ETAA1: variants seen among roughly 807,000 people sequenced by gnomAD.
ETAA1 encodes the protein ewing's tumor-associated antigen 1.
A neutral mutation model predicts 76.8 loss-of-function variants in ETAA1; 49 were observed. That is an observed-to-expected ratio of 0.64 (90% CI 0.51 to 0.81). The LOEUF (loss-of-function observed/expected upper bound fraction) is 0.81, where lower values mean the gene tolerates loss of function less well. Ranked by LOEUF, ETAA1 falls within the 30% of genes least tolerant of loss-of-function variation. The pLI is 0.00. For missense variants in ETAA1, 1,099 were observed against 1,074.0 expected (o/e 1.02, Z -0.32); for synonymous variants, 373 against 372.2 (o/e 1.00, Z -0.03).
rs1380195336 is a variant in ETAA1 at position 67,411,533 on chromosome 2, A to T, written c.*1495A>T. The T allele has an allele frequency of 6.6e-6, 1 of 152,124 alleles. No individual in the cohort carries two copies. Among genetic ancestry groups the T allele is most frequent in the African/African-American group, 2.4e-5 (1 of 41,448 alleles). The allele number at this position is 152,124 out of a possible 1,614,324, so 9.4% of individuals were successfully genotyped here. A position where few individuals can be genotyped will look rare whatever the true frequency, so the allele number is the denominator to read the frequency against. The stretch of plus-strand genomic sequence containing the variant: ...CTGGCAATACGGCACACTGTAGAGT[A>T]TCAGTTGAGCTGATGCCCAGCATCG... On this transcript the variant is annotated 3_prime_UTR_variant, in exon 6 of 6. Transcript: ENST00000272342.
chr2:67,399,042 T>C (rs1323613040), intron 1 of ETAA1, 127 bp from the exon 2 acceptor site: 1 of 829,172 alleles, frequency 1.2e-6, no homozygotes, highest in Non-Finnish European at 1.8e-6. Flanking sequence ...GTTCAGGTAA[T>C]TATCTCTGGG....
chr2:67,397,360 T>G lies in ETAA1; in HGVS notation c.-89T>G. 1 of 1,367,800 alleles carries G rather than the reference T, an allele frequency of 7.3e-7. No homozygotes were observed. Among genetic ancestry groups the G allele is most frequent in the Non-Finnish European group, 1.0e-6 (1 of 982,698 alleles). The allele number at this position is 1,367,800 out of a possible 1,614,324, so 84.7% of individuals were successfully genotyped here. A position where few individuals can be genotyped will look rare whatever the true frequency, so the allele number is the denominator to read the frequency against. On this transcript the variant is annotated 5_prime_UTR_variant, in exon 1 of 6. Transcript: ENST00000272342. Reference sequence around the variant, plus strand: ...CGACCAAAATGGCGGCTGCCGTTGGTGCGGGGTGCGGTTTGTAGTGCTGTT... The same window carrying G: ...CGACCAAAATGGCGGCTGCCGTTGGGGCGGGGTGCGGTTTGTAGTGCTGTT...
rs557289139 is a variant in ETAA1 at position 67,404,442 on chromosome 2, A to G, written c.1760A>G (p.Asn587Ser). 21 of 1,613,340 alleles carry G rather than the reference A, an allele frequency of 1.3e-5. No homozygotes were observed. The highest frequency in any genetic ancestry group is 6.7e-5 in the East Asian group (3 of 44,808). ...GATTGGAATGATCCCTCATTTGCCA[A>G]TGAAATTATTAAAGCATGTCATCAA... is the stretch of plus-strand genomic sequence containing the variant. ...FDDWNDPSFA[N>S]EIIKACHQLD... Residue 587 changes from asparagine (N) to serine (S), a missense_variant, in exon 5 of 6, where the codon AAT becomes AGT. Coordinates refer to ENST00000272342, the MANE Select transcript of ETAA1 (RefSeq NM_019002.4).
Position 67,405,118 on chromosome 2 carries a change from TAACAC to T in ETAA1, c.2441_2445del (p.Thr814SerfsTer21), listed in dbSNP as rs1676177902. ...TAACAGATGAAGCTCAGAGCAACCT[TAACAC>T]AACAGTTGGATTTTCAAAGTTTACA... On this transcript the variant is annotated frameshift_variant, in exon 5 of 6. Transcript: ENST00000272342. LOFTEE classifies it high-confidence loss of function. 6.2e-7 allele frequency: 1 copy of T among 1,612,624 alleles called. No homozygotes were observed. The highest frequency in any genetic ancestry group is 1.1e-5 in the South Asian group (1 of 90,992).
Position 67,403,938 on chromosome 2 carries a change from T to C in ETAA1, c.1256T>C (p.Phe419Ser). Residue 419 changes from phenylalanine (F) to serine (S), a missense_variant, in exon 5 of 6, where the codon TTT becomes TCT. This residue lies in a region of ETAA1 where 761 missense variants were observed against 731.9 expected (regional missense o/e 1.04). Coordinates refer to ENST00000272342, the MANE Select transcript of ETAA1 (RefSeq NM_019002.4). ...ACTGATCAAAAGGAAATTTGTACCT[T>C]TAATAGTAAAACTGTTAAAAATACG... is the stretch of plus-strand genomic sequence containing the variant. ...HVTDQKEICT[F>S]NSKTVKNTSR... The C allele has an allele frequency of 2.5e-6, 4 of 1,610,996 alleles. No individual in the cohort carries two copies. The highest frequency in any genetic ancestry group is 3.4e-6 in the Non-Finnish European group (4 of 1,178,870).
rs1339642021 is a variant in ETAA1 at position 67,410,455 on chromosome 2, G to GT, written c.*422dup. On this transcript the variant is annotated 3_prime_UTR_variant, in exon 6 of 6. Coordinates refer to ENST00000272342, the MANE Select transcript of ETAA1 (RefSeq NM_019002.4). ...TTACTTTCATTAACTGTTGCTTAAGGTTTTTATACACTTCCAGATTTTAAT... is the reference window on the plus strand; with the variant it reads ...TTACTTTCATTAACTGTTGCTTAAGGTTTTTTATACACTTCCAGATTTTAAT... The GT allele has an allele frequency of 6.5e-6, 1 of 152,988 alleles. No homozygotes were observed. Among genetic ancestry groups the GT allele is most frequent in the Non-Finnish European group, 1.5e-5 (1 of 68,718 alleles). 9.5% of individuals were successfully genotyped at this position (152,988 alleles called of 1,614,324 possible).
chr2:67,412,031 A>G lies in ETAA1; in HGVS notation c.*1993A>G, dbSNP rs1294506995. ...AATTGATTGCTTCTCTCTGATCATA[A>G]TGGTACTAATTATTGTGTCTTTCAT... On this transcript the variant is annotated 3_prime_UTR_variant, in exon 6 of 6. Coordinates refer to ENST00000272342, the MANE Select transcript of ETAA1 (RefSeq NM_019002.4). 1 of 151,916 alleles carries G rather than the reference A, an allele frequency of 6.6e-6. No homozygotes were observed. The highest frequency in any genetic ancestry group is 1.5e-5 in the Non-Finnish European group (1 of 67,976). 9.4% of individuals were successfully genotyped at this position (151,916 alleles called of 1,614,324 possible).
At position 67,411,064 on chromosome 2, in the gene ETAA1, A is replaced by G. The variant is rs1020570272; in HGVS notation, c.*1026A>G. 1 of 152,064 alleles carries G rather than the reference A, an allele frequency of 6.6e-6. No homozygotes were observed. The highest frequency in any genetic ancestry group is 1.5e-5 in the Non-Finnish European group (1 of 67,978). The allele number at this position is 152,064 out of a possible 1,614,324, so 9.4% of individuals were successfully genotyped here. ...TTTCTGTAACTGTAATTTTCCCCTC[A>G]ATTAATTTACTTAGTTGACTCATCT... is the stretch of plus-strand genomic sequence containing the variant. On this transcript the variant is annotated 3_prime_UTR_variant, in exon 6 of 6. Coordinates refer to ENST00000272342, the MANE Select transcript of ETAA1 (RefSeq NM_019002.4).
chr2:67,409,927 T>TAGA lies in ETAA1; in HGVS notation c.2672_2674dup (p.Arg891dup). The TAGA allele has an allele frequency of 6.3e-7, 1 of 1,597,106 alleles. No individual in the cohort carries two copies. Among genetic ancestry groups the TAGA allele is most frequent in the South Asian group, 1.1e-5 (1 of 87,392 alleles). On this transcript the variant is annotated inframe_insertion, in exon 6 of 6. Transcript: ENST00000272342. ...AATTTTTAGAGGAAGAAGAGAAAAA[T>TAGA]AGAAAGTGTTCTCCTGAAGAAATTC...
At position 67,397,629 on chromosome 2, in the gene ETAA1, C is replaced by A; in HGVS notation, c.181C>A (p.Gln61Lys). 6.5e-7 allele frequency: 1 copy of A among 1,547,272 alleles called. No individual in the cohort carries two copies. The highest frequency in any genetic ancestry group is 8.7e-7 in the Non-Finnish European group (1 of 1,146,542). The change falls in exon 1 of 6, where the codon CAG becomes AAG. Residue 61 changes from glutamine to lysine, a missense_variant. By Grantham distance (53) the Gln-to-Lys change is moderately conservative. Transcript: ENST00000272342. ...GPPGPVRQRE[Q>K]PPTAALCSKS... ...TCCCGGGCCAGTGCGGCAGCGAGAG[C>A]AGCCTCCGACCGCCGCCCTGTGCAG...
intron 5 of ETAA1, among the ~76,000 whole-genome samples, chr2:67,408,859 T>C (rs1314206818): frequency 6.7e-6 from 1 of 149,348 alleles, no homozygotes; most frequent in African/African-American, 2.5e-5. Context: ...GGATGTGTAG[T>C]CTGAGTTTGT....
At chr2:67,400,290 G>A (rs1676016956) in intron 3 of ETAA1, 1 of 152,078 alleles carries the variant, frequency 6.6e-6, no homozygotes, top group Non-Finnish European at 1.5e-5. Context: ...GTTACGTTAA[G>A]GTTGTTACTG....
rs569070245 is a variant in ETAA1 at position 67,410,245 on chromosome 2, T to G, written c.*207T>G. The stretch of plus-strand genomic sequence containing the variant: ...TTGAAAGTCATTAAATACAAAAGTT[T>G]TGGAAATTCAGGAAAGTTAGCAATT... On this transcript the variant is annotated 3_prime_UTR_variant, in exon 6 of 6. Transcript: ENST00000272342. 5 of 514,856 alleles carry G rather than the reference T, an allele frequency of 9.7e-6. No homozygotes were observed. The South Asian group carries it at 1.3e-4, about 14-fold the overall frequency. The allele number at this position is 514,856 out of a possible 1,614,324, so 31.9% of individuals were successfully genotyped here.
At chr2:67,397,797 T>C (rs1675923666) in intron 1 of ETAA1, 126 bp downstream of exon 1, 2 of 950,882 alleles carry the variant, frequency 2.1e-6, no homozygotes, top group Admixed American at 2.3e-5. Context: ...GATTCACCCC[T>C]CGAGAGTCCA....
rs750462144 is a variant in ETAA1 at position 67,404,115 on chromosome 2, A to G, written c.1433A>G (p.Lys478Arg). 1 of 1,590,870 alleles carries G rather than the reference A, an allele frequency of 6.3e-7. No individual in the cohort carries two copies. Among genetic ancestry groups the G allele is most frequent in the South Asian group, 1.1e-5 (1 of 87,876 alleles). ...NKSNKLSTGN[K>R]MKFENSSNKI... ...TCAAACAAATTATCCACTGGAAATA[A>G]AATGAAATTTGAGAACTCTTCCAAT... The change falls in exon 5 of 6, where the codon AAA (lysine) becomes AGA (arginine). Residue 478 changes from lysine (K) to arginine (R), a missense_variant. Transcript: ENST00000272342.
rs754212196 is a variant in ETAA1 at position 67,403,680 on chromosome 2, A to G, written c.998A>G (p.Glu333Gly). Residue 333 changes from glutamate to glycine, a missense_variant, in exon 5 of 6, where the codon GAA becomes GGA. Glu to Gly is a moderately conservative substitution (Grantham distance 98). Transcript: ENST00000272342. ...KIITNETLVI[E>G]KLSNKTPRSL... ...ATTACTAATGAAACTCTGGTCATTG[A>G]AAAACTGTCAAATAAAACCCCACGA... 6.2e-7 allele frequency: 1 copy of G among 1,613,452 alleles called. No homozygotes were observed. The highest frequency in any genetic ancestry group is 8.5e-7 in the Non-Finnish European group (1 of 1,179,498).
Position 67,404,192 on chromosome 2 carries a change from A to C in ETAA1, c.1510A>C (p.Thr504Pro). 6.2e-7 allele frequency: 1 copy of C among 1,609,932 alleles called. No individual in the cohort carries two copies. The highest frequency in any genetic ancestry group is 1.1e-5 in the South Asian group (1 of 90,694). The change falls in exon 5 of 6, where the codon ACA (threonine) becomes CCA (proline). Residue 504 changes from threonine (T) to proline (P), a missense_variant. Transcript: ENST00000272342. ...AAATTGTATAGTTACATCTAATCTG[A>C]CAAAAATAAAGGAAGATATTCTTAC... Reference protein sequence around the residue: ...IQNCIVTSNLTKIKEDILTNS... With the variant: ...IQNCIVTSNLPKIKEDILTNS...
chr2:67,404,275 A>G lies in ETAA1; in HGVS notation c.1593A>G (p.Glu531=). 1.2e-6 allele frequency: 2 copies of G among 1,612,262 alleles called. No individual in the cohort carries two copies. The highest frequency in any genetic ancestry group is 1.7e-6 in the Non-Finnish European group (2 of 1,179,194). ...KSALNTRYSN[E]QKNKCILNQS... is the part of the protein sequence containing the mutation. The stretch of plus-strand genomic sequence containing the variant: ...CTTTGAACACAAGGTATTCTAATGA[A>G]CAGAAAAATAAGTGCATTTTAAATC... The change falls in exon 5 of 6, where the codon GAA becomes GAG. Residue 531 remains glutamate, a synonymous_variant. Coordinates refer to ENST00000272342, the MANE Select transcript of ETAA1 (RefSeq NM_019002.4).
At position 67,409,990 on chromosome 2, in the gene ETAA1, T is replaced by C. The variant is rs779749817; in HGVS notation, c.2733T>C (p.Ala911=). 2 of 1,610,410 alleles carry C rather than the reference T, an allele frequency of 1.2e-6. No homozygotes were observed. Among genetic ancestry groups the C allele is most frequent in the South Asian group, 1.1e-5 (1 of 90,346 alleles). The change falls in exon 6 of 6, where the codon GCT becomes GCC. Residue 911 remains alanine, a synonymous_variant. Coordinates refer to ENST00000272342, the MANE Select transcript of ETAA1 (RefSeq NM_019002.4). ...KRQEALVRRM[A]KARASSVNAA... ...AAGAAGCACTGGTTCGGAGAATGGCTAAAGCACGAGCCTCATCTGTAAATG... is the reference window on the plus strand; with the variant it reads ...AAGAAGCACTGGTTCGGAGAATGGCCAAAGCACGAGCCTCATCTGTAAATG...
Sources: gnomAD v4.1 joint callset for allele counts (sites outside exome capture counted in the v4.1 genomes callset) on GRCh38, gnomAD v4.1.1 for gene constraint, gnomAD v4.1.1 regional missense constraint, MANE v1.5 for transcripts, NCBI Gene and HGNC (gene_info 2026-07-23, HGNC 2026-07-21) for gene names.